TRIM66: variants seen among roughly 807,000 people sequenced by gnomAD.
TRIM66 encodes tripartite motif-containing protein 66.
In TRIM66, 99 loss-of-function variants were observed where a neutral mutation model predicts 148.2. That is an observed-to-expected ratio of 0.67 (90% confidence interval 0.57 to 0.79). The LOEUF (loss-of-function observed/expected upper bound fraction) is 0.79. Among genes scored for constraint, TRIM66 ranks in the 30% least tolerant of loss-of-function variants. The pLI, the probability that TRIM66 is intolerant of heterozygous loss-of-function variation, is 0.00. For missense variants in TRIM66, 1,666 were observed against 1,697.9 expected, an observed-to-expected ratio of 0.98 and a Z score of 0.33; for synonymous variants, 616 against 635.9, an observed-to-expected ratio of 0.97 and a Z score of 0.47.
intron 7 of TRIM66, among the ~76,000 whole-genome samples, chr11:8,651,059 G>A (rs544651902): frequency 6.6e-6 from 1 of 152,286 alleles, no homozygotes; most frequent in African/African-American, 2.4e-5. Context: ...AAAACATCAA[G>A]AGAAGGGGAG....
chr11:8,654,115 C>A (rs1297487340), intron 6 of TRIM66, among the ~76,000 whole-genome samples: 1 of 152,212 alleles, frequency 6.6e-6, no homozygotes, highest in Non-Finnish European at 1.5e-5. Flanking sequence ...GCCTCACGAG[C>A]AGAATGAAAA....
rs1555042270 is a variant in TRIM66 at position 8,628,636 on chromosome 11, A to AAAAAAAAAAAAAGAGAGAG, written c.2311-3409_2311-3408insCTCTCTCTTTTTTTTTTTT. ...TCAAAAAAAAAAAAAAAAAAAAAAA[A>AAAAAAAAAAAAAGAGAGAG]AGAGAGAGAATCCAGATCTTTGGTA... On this transcript the variant is annotated intron_variant, in intron 15 of 24. Transcript: ENST00000646038. Among the ~76,000 whole-genome samples the AAAAAAAAAAAAAGAGAGAG allele has an allele frequency of 3.4e-4, 32 of 93,374 alleles. 2 individuals are homozygous for AAAAAAAAAAAAAGAGAGAG. The highest frequency in any genetic ancestry group is 9.6e-4 in the African/African-American group (27 of 28,256). 61.3% of individuals were successfully genotyped at this position (93,374 alleles called of 152,430 possible).
chr11:8,643,022 C>A lies in TRIM66; in HGVS notation c.1209G>T (p.Gln403His), dbSNP rs183539145. Residue 403 changes from glutamine (Q) to histidine (H), a missense_variant, in exon 13 of 25, where the codon CAG becomes CAT. Transcript: ENST00000646038. ...FTWEPNFWTK[Q>H]LASLGCITTE... ...GTCCAAGCTCACCAAGAGAAGCTAG[C>A]TGCTTGGTCCAGAAGTTAGGCTCCC... The A allele has an allele frequency of 5.8e-6, 9 of 1,550,378 alleles. No individual in the cohort carries two copies. The African/African-American group carries it at 1.1e-4, about 19-fold the overall frequency.
At chr11:8,621,509 G>A in intron 19 of TRIM66, 136 bp downstream of exon 19, 1 of 1,303,774 alleles carries the variant, frequency 7.7e-7, no homozygotes, top group Non-Finnish European at 1.0e-6. Flanking sequence ...CCTTGCAGCA[G>A]GGGACAACGT....
intron 3 of TRIM66, chr11:8,678,997 C>G (rs2039303942): frequency 6.6e-6 from 1 of 152,236 alleles, no homozygotes; most frequent in Non-Finnish European, 1.5e-5. Flanking sequence ...CCCTCACACT[C>G]TGAGGAAGCC....
intron 12 of TRIM66, among the ~76,000 whole-genome samples, chr11:8,643,759 G>C (rs1478045126): frequency 2.0e-5 from 3 of 152,068 alleles, no homozygotes; most frequent in Non-Finnish European, 4.4e-5. Flanking sequence ...AGCCTAGTGG[G>C]GGCAGGCATT....
rs2038433366 is a variant in TRIM66, at chr11:8,664,098, T to C, written c.340+7688A>G. On this transcript the variant is annotated intron_variant, in intron 6 of 24. Coordinates refer to ENST00000646038, the MANE Select transcript of TRIM66 (RefSeq NM_001388022.1). ...TAAGTATGGTTAATAATATATTGTA[T>C]TCTTGAAAGATGCCAAGAGAGTAGA... Among the ~76,000 whole-genome samples, 5 of 152,198 alleles carry C rather than the reference T, an allele frequency of 3.3e-5. No homozygotes were observed. The South Asian group carries it at 8.3e-4, about 25-fold the overall frequency.
At chr11:8,659,333 G>A (rs940379606) in intron 6 of TRIM66, among the ~76,000 whole-genome samples, 23 of 152,246 alleles carry the variant, frequency 1.5e-4, no homozygotes, top group Middle Eastern at 6.8e-3. Context: ...GGAGGTCAGG[G>A]TAGTTGAGCA....
intron 8 of TRIM66, 127 bp downstream of exon 8, chr11:8,649,613 G>A: frequency 2.3e-6 from 3 of 1,290,102 alleles, no homozygotes; most frequent in Non-Finnish European, 3.1e-6. Context: ...CTTTGGGAAA[G>A]GCTCTGAGAC....
At chr11:8,681,077 T>C (rs2039393158) in intron 1 of TRIM66, among the ~76,000 whole-genome samples, 1 of 151,758 alleles carries the variant, frequency 6.6e-6, no homozygotes, top group Admixed American at 6.6e-5. Flanking sequence ...GCAGGATTTG[T>C]AGACTACTCT....
At chr11:8,653,684 T>C (rs1311200040) in intron 6 of TRIM66, among the ~76,000 whole-genome samples, 1 of 151,914 alleles carries the variant, frequency 6.6e-6, no homozygotes, top group Non-Finnish European at 1.5e-5. Flanking sequence ...AGCACAAAGT[T>C]TAGAGGTGGC....
rs182430414 is a variant in TRIM66, at chr11:8,674,515, C to A, written c.-112+291G>T. Among the ~76,000 whole-genome samples the A allele has an allele frequency of 2.0e-5, 3 of 152,252 alleles. No individual in the cohort carries two copies. The East Asian group carries it at 5.8e-4, about 29-fold the overall frequency. ...TTGCTTCAGCCTCCTAGGCAGCTAG[C>A]ACTATAGGCATGTGCCACCACACCC... On this transcript the variant is annotated intron_variant, in intron 4 of 24. Transcript: ENST00000646038.
chr11:8,650,122 C>A (rs930805080), intron 7 of TRIM66, among the ~76,000 whole-genome samples: 1 of 152,102 alleles, frequency 6.6e-6, no homozygotes, highest in African/African-American at 2.4e-5. Context: ...CCTGTAACCC[C>A]AGTACTTTGG....
At chr11:8,656,429 C>A (rs1051231198) in intron 6 of TRIM66, among the ~76,000 whole-genome samples, 2 of 152,144 alleles carry the variant, frequency 1.3e-5, no homozygotes, top group African/African-American at 4.8e-5. Flanking sequence ...AGAGACAGGG[C>A]CCCAAGTCCA....
At position 8,672,161 on chromosome 11, in the gene TRIM66, G is replaced by C. The variant is rs900134547; in HGVS notation, c.28-63C>G. 6 of 1,531,734 alleles carry C rather than the reference G, an allele frequency of 3.9e-6. No homozygotes were observed. In the African/African-American group the frequency reaches 6.9e-5, roughly 18 times the overall value. The allele number at this position is 1,531,734 out of a possible 1,614,324, so 94.9% of individuals were successfully genotyped here. A position where few individuals can be genotyped will look rare whatever the true frequency, so the allele number is the denominator to read the frequency against. On this transcript the variant is annotated intron_variant, in intron 5 of 24. Transcript: ENST00000646038. Reference sequence around the variant, plus strand: ...TTGAGCAGAAAAAAATCTTAGGCCAGAGGGGCCTTCGAGAACAAGGCCTCA... The same window carrying C: ...TTGAGCAGAAAAAAATCTTAGGCCACAGGGGCCTTCGAGAACAAGGCCTCA...
intron 6 of TRIM66, among the ~76,000 whole-genome samples, chr11:8,667,254 G>T (rs753984860): frequency 6.6e-6 from 1 of 152,082 alleles, no homozygotes; most frequent in African/African-American, 2.4e-5. Flanking sequence ...ACTCCTAGAA[G>T]AAAACAGAGG....
chr11:8,618,132 A>C, intron 24 of TRIM66, 129 bp from the exon 25 acceptor site: 3 of 903,634 alleles, frequency 3.3e-6, no homozygotes, highest in Non-Finnish European at 5.1e-6. Context: ...TGCAGCAGTA[A>C]AACTTACTGA....
chr11:8,665,403 G>A (rs1004326675), intron 6 of TRIM66, among the ~76,000 whole-genome samples: 4 of 152,202 alleles, frequency 2.6e-5, no homozygotes, highest in African/African-American at 7.2e-5. Context: ...GTCCTAGTAC[G>A]TGGACAACTT....
Position 8,620,441 on chromosome 11 carries a change from C to T in TRIM66, c.3672+5G>A. 6.4e-7 allele frequency: 1 copy of T among 1,551,706 alleles called. No individual in the cohort carries two copies. The highest frequency in any genetic ancestry group is 8.7e-7 in the Non-Finnish European group (1 of 1,146,960). ...GGAACCTTGTTTCCAAAGACTCCTC[C>T]CTACCTTCTGGTCATACATGCTTAG... On this transcript the variant is annotated splice_donor_5th_base_variant and intron_variant, in intron 21 of 24. Coordinates refer to ENST00000646038, the MANE Select transcript of TRIM66 (RefSeq NM_001388022.1).
Sources: gnomAD v4.1 joint callset for allele counts (sites outside exome capture counted in the v4.1 genomes callset) on GRCh38, gnomAD v4.1.1 for gene constraint, MANE v1.5 for transcripts, NCBI Gene and HGNC (gene_info 2026-07-23, HGNC 2026-07-21) for gene names.